DOK6: variants seen among roughly 807,000 people sequenced by gnomAD.
DOK6 encodes downstream of tyrosine kinase 6.
Under a neutral mutation model 44.0 loss-of-function variants are expected in DOK6, and 22 were observed. The ratio of observed to expected loss-of-function variants is 0.50; its 90% confidence interval spans 0.36 to 0.71. The LOEUF (loss-of-function observed/expected upper bound fraction) is 0.71. Among genes scored for constraint, DOK6 ranks in the 30% least tolerant of loss-of-function variants. DOK6 has a pLI of 0.00. For synonymous variants in DOK6, 166 were observed against 145.5 expected, an observed-to-expected ratio of 1.14 and a Z score of -1.01; for missense variants, 340 against 416.4, an observed-to-expected ratio of 0.82 and a Z score of 1.60.
intron 1 of DOK6, among the ~76,000 whole-genome samples, chr18:69,534,846 A>T (rs1335979410): frequency 6.6e-6 from 1 of 152,134 alleles, no homozygotes; most frequent in Admixed American, 6.6e-5. Context: ...TGGATAAATT[A>T]TATAAGACAT....
chr18:69,723,062 A>C (rs976358406), intron 5 of DOK6, among the ~76,000 whole-genome samples: 5 of 152,184 alleles, frequency 3.3e-5, no homozygotes, highest in Admixed American at 6.5e-5. Context: ...CTAATCAACT[A>C]TAAGTATTTT....
At chr18:69,457,011 T>G (rs1032299543) in intron 1 of DOK6, among the ~76,000 whole-genome samples, 1 of 152,140 alleles carries the variant, frequency 6.6e-6, no homozygotes. Context: ...TTTTGCTTGT[T>G]GATTTGTTTA....
At chr18:69,762,679 T>C (rs1159728101) in intron 7 of DOK6, among the ~76,000 whole-genome samples, 1 of 152,242 alleles carries the variant, frequency 6.6e-6, no homozygotes, top group Non-Finnish European at 1.5e-5. Context: ...GATTCATTAA[T>C]AAGCAGCACA....
rs564641086 is a variant in DOK6 at position 69,806,895 on chromosome 18, G to A, written c.857-34349G>A. On this transcript the variant is annotated intron_variant, in intron 7 of 7. Coordinates refer to ENST00000382713, the MANE Select transcript of DOK6 (RefSeq NM_152721.6). ...CATATGGAAAGTAGAATCAATATTG[G>A]ACTTACATCAAGTTTTATACAGACC... Among the ~76,000 whole-genome samples, 4 of 152,008 alleles carry A rather than the reference G, an allele frequency of 2.6e-5. No individual in the cohort carries two copies. In the South Asian group the frequency reaches 8.3e-4, roughly 32 times the overall value.
chr18:69,654,722 G>C (rs1244333326), intron 3 of DOK6, among the ~76,000 whole-genome samples: 1 of 152,176 alleles, frequency 6.6e-6, no homozygotes, highest in Non-Finnish European at 1.5e-5. Flanking sequence ...GTAGGGCTTT[G>C]ACAGAGGAAA....
At chr18:69,703,502 G>A (rs900781585) in intron 5 of DOK6, among the ~76,000 whole-genome samples, 2 of 152,162 alleles carry the variant, frequency 1.3e-5, no homozygotes, top group Non-Finnish European at 2.9e-5. Context: ...GGAGGGTTGT[G>A]TATTAGGAAC....
At chr18:69,638,617 C>A (rs1984866267) in intron 3 of DOK6, among the ~76,000 whole-genome samples, 1 of 151,938 alleles carries the variant, frequency 6.6e-6, no homozygotes. Context: ...TTTGGTTTAA[C>A]AGATTAATTT....
chr18:69,752,128 G>A (rs73970255), intron 6 of DOK6, among the ~76,000 whole-genome samples: 5,544 of 152,048 alleles, frequency 0.036, 355 homozygotes, highest in African/African-American at 0.13. Flanking sequence ...TGAAAAATAT[G>A]AGTTATTTAC....
Position 69,536,991 on chromosome 18 carries a change from T to TATA in DOK6, c.67-27494_67-27493insAAT, listed in dbSNP as rs1190102848. 3.9e-3 allele frequency among the ~76,000 whole-genome samples: 573 copies of TATA among 148,212 alleles called. 1 individual carries two copies. The highest frequency in any genetic ancestry group is 0.013 in the African/African-American group (530 of 40,902). ...ACAGAAGATTTATCATTATTATTAT[T>TATA]ATTATTATTATTATTATTTTATAAA... On this transcript the variant is annotated intron_variant, in intron 1 of 7. Coordinates refer to ENST00000382713, the MANE Select transcript of DOK6 (RefSeq NM_152721.6).
At chr18:69,623,413 TA>T (rs916218406) in intron 3 of DOK6, among the ~76,000 whole-genome samples, 22 of 151,938 alleles carry the variant, frequency 1.4e-4, no homozygotes, top group South Asian at 4.1e-4. Flanking sequence ...TTTTCCAGCA[TA>T]AAAAAAAGAT....
At chr18:69,792,317 T>C (rs550710848) in intron 7 of DOK6, among the ~76,000 whole-genome samples, 6 of 152,146 alleles carry the variant, frequency 3.9e-5, no homozygotes, top group Non-Finnish European at 5.9e-5. Flanking sequence ...TTGCACTGAA[T>C]CTATAGATTG....
At chr18:69,448,563 A>G (rs991760418) in intron 1 of DOK6, among the ~76,000 whole-genome samples, 7 of 151,970 alleles carry the variant, frequency 4.6e-5, no homozygotes, top group African/African-American at 1.7e-4. Context: ...TAGTAGAGAC[A>G]GGGTTTCACC....
intron 3 of DOK6, among the ~76,000 whole-genome samples, chr18:69,668,435 G>A (rs1985713474): frequency 6.6e-6 from 1 of 151,550 alleles, no homozygotes; most frequent in Admixed American, 6.6e-5. Context: ...TATAGTTTTT[G>A]TTCATTTCCA....
At chr18:69,727,641 G>T (rs769878646) in intron 5 of DOK6, among the ~76,000 whole-genome samples, 1 of 152,094 alleles carries the variant, frequency 6.6e-6, no homozygotes, top group Non-Finnish European at 1.5e-5. Context: ...GTGAGACCAC[G>T]GTAAAAGAAA....
intron 6 of DOK6, among the ~76,000 whole-genome samples, chr18:69,757,066 G>A (rs576838627): frequency 4.6e-5 from 7 of 152,288 alleles, no homozygotes; most frequent in South Asian, 4.1e-4. Flanking sequence ...ATCATGTGCC[G>A]GAGCACGTGA....
rs1982322861 is a variant in DOK6, at chr18:69,845,309, A to C, written c.*3926A>C. ...AACAATTCGTGTTTTAAAATATTATATTGAAGACTGCACAAAGAGAAAATT... is the reference window on the plus strand; with the variant it reads ...AACAATTCGTGTTTTAAAATATTATCTTGAAGACTGCACAAAGAGAAAATT... On this transcript the variant is annotated 3_prime_UTR_variant, in exon 8 of 8. Coordinates refer to ENST00000382713, the MANE Select transcript of DOK6 (RefSeq NM_152721.6). 1 of 152,250 alleles carries C rather than the reference A, an allele frequency of 6.6e-6. No individual in the cohort carries two copies. The highest frequency in any genetic ancestry group is 1.5e-5 in the Non-Finnish European group (1 of 68,044). 9.4% of individuals were successfully genotyped at this position (152,250 alleles called of 1,614,324 possible). A position where few individuals can be genotyped will look rare whatever the true frequency, so the allele number is the denominator to read the frequency against.
intron 7 of DOK6, among the ~76,000 whole-genome samples, chr18:69,838,934 A>C: frequency 7.1e-6 from 1 of 140,066 alleles, no homozygotes; most frequent in East Asian, 2.2e-4. Context: ...CCTAGCCCCT[A>C]CCTTAGTTCC....
At chr18:69,639,388 G>A (rs1165899508) in intron 3 of DOK6, among the ~76,000 whole-genome samples, 1 of 152,186 alleles carries the variant, frequency 6.6e-6, no homozygotes, top group Admixed American at 6.5e-5. Flanking sequence ...AGGCCATGGA[G>A]GGATTCTGTA....
chr18:69,627,720 A>G (rs1984591741), intron 3 of DOK6, among the ~76,000 whole-genome samples: 1 of 152,062 alleles, frequency 6.6e-6, no homozygotes, highest in South Asian at 2.1e-4. Context: ...AAGTGCTGGG[A>G]TTTACAGGCG....
Sources: allele counts gnomAD v4.1 joint callset (sites outside exome capture counted in the v4.1 genomes callset), GRCh38; gene constraint gnomAD v4.1.1; transcripts MANE v1.5; gene names NCBI Gene and HGNC (gene_info 2026-07-23, HGNC 2026-07-21).